CR1L: variants seen among roughly 807,000 people sequenced by gnomAD.
The protein encoded by CR1L is complement C3b/C4b receptor 1 like, also known as complement component receptor 1-like protein.
Under a neutral mutation model 62.3 loss-of-function variants are expected in CR1L, and 59 were observed. The ratio of observed to expected loss-of-function variants is 0.95; its 90% CI spans 0.77 to 1.18. CR1L has a LOEUF of 1.18. CR1L is among the 50% of genes most tolerant of loss of function. The pLI, the probability that CR1L is intolerant of heterozygous loss-of-function variation, is 0.00. For synonymous variants in CR1L, 279 were observed against 248.7 expected (o/e 1.12, Z -1.15); for missense variants, 700 against 702.8 (o/e 1.00, Z 0.04).
chr1:207,645,248 C>T lies in CR1L; in HGVS notation c.15C>T (p.Val5=). Residue 5 remains valine, a synonymous_variant, in exon 1 of 12, where the codon GTC becomes GTT. Coordinates refer to ENST00000508064, the MANE Select transcript of CR1L (RefSeq NM_175710.2). ...CCGCGCCGCTCATGGCGCCTCCCGT[C>T]CGTCTCGAGCGTCCCTTTCCTTCCC... The part of the protein sequence containing the change: MAPP[V]RLERPFPSRR... The T allele has an allele frequency of 6.2e-7, 1 of 1,613,362 alleles. No individual in the cohort carries two copies. The highest frequency in any genetic ancestry group is 1.7e-5 in the Admixed American group (1 of 60,038).
intron 5 of CR1L, among the ~76,000 whole-genome samples, chr1:207,696,608 A>G (rs375624305): frequency 1.2e-4 from 19 of 152,208 alleles, no homozygotes; most frequent in African/African-American, 3.9e-4. Flanking sequence ...GAGTATTTAC[A>G]AACTCCCTAA....
chr1:207,661,793 CT>C (rs199736061), intron 1 of CR1L, among the ~76,000 whole-genome samples: 4,017 of 152,270 alleles, frequency 0.026, 187 homozygotes, highest in African/African-American at 0.092. Context: ...CCGATTGTTC[CT>C]TTCCATGTTT....
intron 1 of CR1L, among the ~76,000 whole-genome samples, chr1:207,673,668 A>G (rs1273922431): frequency 8.5e-5 from 13 of 152,248 alleles, no homozygotes; most frequent in Admixed American, 8.5e-4. Flanking sequence ...GACCAAACCA[A>G]GTGTTGGCAA....
At chr1:207,721,342 C>T (rs558870696) in intron 11 of CR1L, among the ~76,000 whole-genome samples, 2 of 115,408 alleles carry the variant, frequency 1.7e-5, no homozygotes, top group Non-Finnish European at 3.5e-5. Context: ...TCCCTCCCCC[C>T]TCCCCCCACC....
intron 11 of CR1L, among the ~76,000 whole-genome samples, chr1:207,722,876 C>A (rs1363888120): frequency 2.6e-5 from 4 of 152,002 alleles, no homozygotes; most frequent in Non-Finnish European, 4.4e-5. Context: ...ATAGTTTATG[C>A]ATTTTATTAA....
At chr1:207,694,799 C>T (rs752636708) in intron 5 of CR1L, 48 bp downstream of exon 5, 8 of 1,611,152 alleles carry the variant, frequency 5.0e-6, no homozygotes, top group South Asian at 3.3e-5. Context: ...ACATGCATTG[C>T]TGTTGGATCA....
intron 1 of CR1L, chr1:207,655,287 CTTTTTT>C: frequency 4.3e-6 from 2 of 461,818 alleles, no homozygotes; most frequent in African/African-American, 2.3e-5. Context: ...TAAGTAAATT[CTTTTTT>C]TTTTTTTTTT....
intron 8 of CR1L, among the ~76,000 whole-genome samples, chr1:207,700,201 G>A (rs1044528514): frequency 3.9e-5 from 6 of 152,142 alleles, no homozygotes; most frequent in African/African-American, 1.2e-4. Context: ...AAATGTTTAT[G>A]TTCTTAGAAA....
chr1:207,649,720 TA>T (rs1663192742), intron 1 of CR1L, among the ~76,000 whole-genome samples: 1 of 152,106 alleles, frequency 6.6e-6, no homozygotes, highest in African/African-American at 2.4e-5. Context: ...TGATGGGATT[TA>T]AAAGTCTCTA....
At position 207,645,289 on chromosome 1, in the gene CR1L, T is replaced by G. The variant is rs2102433895; in HGVS notation, c.56T>G (p.Leu19Trp). The G allele has an allele frequency of 1.2e-6, 2 of 1,613,974 alleles. No individual in the cohort carries two copies. Among genetic ancestry groups the G allele is most frequent in the African/African-American group, 2.7e-5 (2 of 75,066 alleles). Residue 19 changes from leucine (L) to tryptophan (W), a missense_variant, in exon 1 of 12, where the codon TTG becomes TGG. Coordinates refer to ENST00000508064, the MANE Select transcript of CR1L (RefSeq NM_175710.2). ...RPFPSRRFPG[L>W]LLAALVLLLS... ...TTTCCTTCCCGGCGCTTTCCTGGGT[T>G]GCTTCTGGCGGCCCTGGTGTTGCTG...
chr1:207,707,246 C>A (rs927290547), intron 9 of CR1L, among the ~76,000 whole-genome samples: 2 of 152,132 alleles, frequency 1.3e-5, no homozygotes, highest in Non-Finnish European at 2.9e-5. Context: ...AAATAAGCCC[C>A]ATCATGTTTG....
At chr1:207,661,098 G>T (rs1177182593) in intron 1 of CR1L, among the ~76,000 whole-genome samples, 1 of 152,212 alleles carries the variant, frequency 6.6e-6, no homozygotes, top group Non-Finnish European at 1.5e-5. Context: ...GTGTGGTGTG[G>T]TGCTGAAAAG....
At chr1:207,700,582 C>A (rs1664174984) in intron 8 of CR1L, among the ~76,000 whole-genome samples, 1 of 152,156 alleles carries the variant, frequency 6.6e-6, no homozygotes. Context: ...GCAAAGCAAT[C>A]TGAATCCATT....
At position 207,708,306 on chromosome 1, in the gene CR1L, C is replaced by G. The variant is rs765449519; in HGVS notation, c.1414+43C>G. Reference sequence around the variant, plus strand: ...TCCCCATTCACCCCACCATTTAACCCTAGAGTTGTCCTCCTAGAATTACAA... The same window carrying G: ...TCCCCATTCACCCCACCATTTAACCGTAGAGTTGTCCTCCTAGAATTACAA... On this transcript the variant is annotated intron_variant, in intron 10 of 11. Transcript: ENST00000508064. 1.3e-5 allele frequency: 21 copies of G among 1,599,422 alleles called. 1 individual carries two copies. The South Asian group carries it at 2.2e-4, about 17-fold the overall frequency.
At chr1:207,684,901 A>C (rs937758687) in intron 4 of CR1L, among the ~76,000 whole-genome samples, 1 of 152,192 alleles carries the variant, frequency 6.6e-6, no homozygotes, top group African/African-American at 2.4e-5. Flanking sequence ...GGTATTTAAA[A>C]ATGTTGTTAC....
intron 10 of CR1L, among the ~76,000 whole-genome samples, chr1:207,710,020 G>A (rs1472258758): frequency 6.6e-6 from 1 of 152,088 alleles, no homozygotes; most frequent in South Asian, 2.1e-4. Context: ...TTTCAGAAAA[G>A]CTATTAGCAT....
intron 1 of CR1L, among the ~76,000 whole-genome samples, chr1:207,657,880 A>G (rs1391432655): frequency 6.6e-6 from 1 of 152,232 alleles, no homozygotes; most frequent in Non-Finnish European, 1.5e-5. Flanking sequence ...AAAGTAGACC[A>G]TATTCTAGAC....
chr1:207,666,790 C>G (rs1663530786), intron 1 of CR1L, among the ~76,000 whole-genome samples: 1 of 152,182 alleles, frequency 6.6e-6, no homozygotes, highest in South Asian at 2.1e-4. Context: ...ATCTGTACAA[C>G]AAACCCCCAT....
chr1:207,713,663 G>A (rs1653887585), intron 10 of CR1L, among the ~76,000 whole-genome samples: 1 of 152,266 alleles, frequency 6.6e-6, no homozygotes. Context: ...CCAAGCACTG[G>A]CACAGGAGCG....
Sources: allele counts gnomAD v4.1 joint callset (sites outside exome capture counted in the v4.1 genomes callset), GRCh38; gene constraint gnomAD v4.1.1; transcripts MANE v1.5; gene names NCBI Gene and HGNC (gene_info 2026-07-23, HGNC 2026-07-21).